Variants in MICOS10 observed in about 807,000 individuals in gnomAD.
The protein encoded by MICOS10 is mitochondrial contact site and cristae organizing system subunit 10.
In MICOS10, 5 loss-of-function variants were observed where a neutral mutation model predicts 13.4. That is an observed-to-expected ratio of 0.37 (90% CI 0.20 to 0.78). The LOEUF is 0.78. Among genes scored for constraint, MICOS10 ranks in the 30% least tolerant of loss-of-function variants. MICOS10 has a pLI of 0.47. For synonymous variants in MICOS10, 35 were observed against 33.6 expected (o/e 1.04, Z -0.15); for missense variants, 101 against 94.6 (o/e 1.07, Z -0.28).
chr1:19,603,192 A>G (rs996282965), intron 1 of MICOS10, among the ~76,000 whole-genome samples: 60 of 152,082 alleles, frequency 3.9e-4, no homozygotes, highest in African/African-American at 1.4e-3. Flanking sequence ...TTAGCCGGGC[A>G]TGGTGGTGCA....
chr1:19,609,145 T>G (rs964129138), intron 1 of MICOS10, among the ~76,000 whole-genome samples: 1 of 151,818 alleles, frequency 6.6e-6, no homozygotes, highest in Non-Finnish European at 1.5e-5. Flanking sequence ...TACAGGTGCG[T>G]GCTACCGCAT....
At position 19,629,447 on chromosome 1, in the gene MICOS10, G is replaced by A. The variant is rs901706580; in HGVS notation, c.*3046G>A. On this transcript the variant is annotated 3_prime_UTR_variant, in exon 4 of 4. Transcript: ENST00000322753. ...GTATTTTGAGCTCATTTAGGTGAAT[G>A]ACTTTGGCATTCCATGTACCCACTA... 2.0e-5 allele frequency: 3 copies of A among 152,258 alleles called. No homozygotes were observed. The highest frequency in any genetic ancestry group is 2.0e-4 in the Admixed American group (3 of 15,288). The allele number at this position is 152,258 out of a possible 1,614,324, so 9.4% of individuals were successfully genotyped here. A position where few individuals can be genotyped will look rare whatever the true frequency, so the allele number is the denominator to read the frequency against.
intron 1 of MICOS10, among the ~76,000 whole-genome samples, chr1:19,604,903 C>T (rs1173701751): frequency 6.6e-6 from 1 of 152,108 alleles, no homozygotes; most frequent in East Asian, 1.9e-4. Flanking sequence ...TTGAAGGTGT[C>T]CCAAAGGAGA....
chr1:19,623,953 A>G (rs945017208), intron 3 of MICOS10, among the ~76,000 whole-genome samples: 4 of 152,158 alleles, frequency 2.6e-5, no homozygotes, highest in African/African-American at 7.2e-5. Flanking sequence ...GCTAAACCCA[A>G]AGACTTCCGG....
intron 1 of MICOS10, among the ~76,000 whole-genome samples, chr1:19,612,816 AC>A (rs2094868951): frequency 6.6e-6 from 1 of 152,134 alleles, no homozygotes; most frequent in Admixed American, 6.5e-5. Flanking sequence ...TTCTTTCAAC[AC>A]CTTTTCAGAT....
chr1:19,612,272 G>A (rs953948978), intron 1 of MICOS10, among the ~76,000 whole-genome samples: 2 of 150,840 alleles, frequency 1.3e-5, no homozygotes, highest in African/African-American at 2.4e-5. Context: ...TAGCCAGGAT[G>A]GTCTCCATCT....
At position 19,622,260 on chromosome 1, in the gene MICOS10, C is replaced by G. The variant is rs1465262181; in HGVS notation, c.112+113C>G. ...TCAATTTGTGGGTTGCCAACCCATC[C>G]ATTTATGGGGTTAGGTAGCCCATTA... On this transcript the variant is annotated intron_variant, in intron 2 of 3. Transcript: ENST00000322753. 8.3e-6 allele frequency: 6 copies of G among 719,354 alleles called. No individual in the cohort carries two copies. In the African/African-American group the frequency reaches 1.1e-4, roughly 13 times the overall value. The allele number at this position is 719,354 out of a possible 1,614,324, so 44.6% of individuals were successfully genotyped here.
rs748892898 is a variant in MICOS10 at position 19,623,462 on chromosome 1, T to C, written c.113-12T>C. On this transcript the variant is annotated splice_polypyrimidine_tract_variant and intron_variant, in intron 2 of 3. Coordinates refer to ENST00000322753, the MANE Select transcript of MICOS10 (RefSeq NM_001032363.4). ...AATTCCCTATTGGGATTTTCCCTTT[T>C]TTGCTCACTAGGAAGAATGTGGCCA... 18 of 1,575,912 alleles carry C rather than the reference T, an allele frequency of 1.1e-5. No homozygotes were observed. The highest frequency in any genetic ancestry group is 1.7e-5 in the Admixed American group (1 of 58,890).
At chr1:19,610,269 A>T (rs1280357218) in intron 1 of MICOS10, among the ~76,000 whole-genome samples, 1 of 151,464 alleles carries the variant, frequency 6.6e-6, no homozygotes, top group African/African-American at 2.4e-5. Flanking sequence ...GAAAGGATAA[A>T]TGAGTACAAA....
intron 1 of MICOS10, among the ~76,000 whole-genome samples, chr1:19,620,124 G>A (rs1479192809): frequency 6.6e-6 from 1 of 152,198 alleles, no homozygotes; most frequent in East Asian, 1.9e-4. Flanking sequence ...AAAAGAGCTT[G>A]TCATGCAACA....
rs761980101 is a variant in MICOS10 at position 19,623,506 on chromosome 1, A to G, written c.145A>G (p.Met49Val). 2.5e-6 allele frequency: 4 copies of G among 1,612,918 alleles called. No individual in the cohort carries two copies. Among genetic ancestry groups the G allele is most frequent in the Non-Finnish European group, 3.4e-6 (4 of 1,179,746 alleles). ...GTGGCCATTAGCCTTCGGTTCTGGC[A>G]TGGGATTAGGAATGGCTTATTCCAA... Reference protein sequence around the residue: ...RMWPLAFGSGMGLGMAYSNCQ... With the variant: ...RMWPLAFGSGVGLGMAYSNCQ... Residue 49 changes from methionine to valine, a missense_variant, in exon 3 of 4, where the codon ATG becomes GTG. Transcript: ENST00000322753.
At chr1:19,610,982 C>T (rs1029167782) in intron 1 of MICOS10, among the ~76,000 whole-genome samples, 2 of 151,172 alleles carry the variant, frequency 1.3e-5, no homozygotes, top group African/African-American at 2.4e-5. Flanking sequence ...GTCTCACTGT[C>T]GCCCAGGCTG....
chr1:19,611,148 C>T (rs768327047), intron 1 of MICOS10, among the ~76,000 whole-genome samples: 1 of 151,990 alleles, frequency 6.6e-6, no homozygotes, highest in Non-Finnish European at 1.5e-5. Context: ...GACAGGGTTT[C>T]ACCATATTGG....
At chr1:19,600,877 A>C in intron 1 of MICOS10, 1 of 1,288,722 alleles carries the variant, frequency 7.8e-7, no homozygotes, top group Non-Finnish European at 1.0e-6. Context: ...CCAGGATTAC[A>C]GGCATGAGCC....
intron 1 of MICOS10, among the ~76,000 whole-genome samples, chr1:19,620,709 T>A (rs72959472): frequency 0.012 from 1,806 of 152,318 alleles, 35 homozygotes; most frequent in African/African-American, 0.041. Flanking sequence ...TTCTAGAGAT[T>A]AAGATTTTCT....
At chr1:19,609,873 G>A (rs1631421) in intron 1 of MICOS10, among the ~76,000 whole-genome samples, 16,675 of 152,188 alleles carry the variant, frequency 0.11, 3,091 homozygotes, top group African/African-American at 0.38. Context: ...GGCTGGGCAC[G>A]GTGGCTCATG....
rs1178998062 is a variant in MICOS10 at position 19,628,618 on chromosome 1, G to T, written c.*2217G>T. 7 of 146,982 alleles carry T rather than the reference G, an allele frequency of 4.8e-5. No homozygotes were observed. The highest frequency in any genetic ancestry group is 1.8e-4 in the African/African-American group (7 of 38,892). 9.1% of individuals were successfully genotyped at this position (146,982 alleles called of 1,614,324 possible). On this transcript the variant is annotated 3_prime_UTR_variant, in exon 4 of 4. Transcript: ENST00000322753. ...AATCATTTGAACCCGGGAGGCAGAG[G>T]TTGCGGTGAGCTGAGATCGCGCCAC... is the stretch of plus-strand genomic sequence containing the variant.
At chr1:19,616,774 T>C (rs953913110) in intron 1 of MICOS10, among the ~76,000 whole-genome samples, 4 of 152,208 alleles carry the variant, frequency 2.6e-5, no homozygotes, top group Non-Finnish European at 4.4e-5. Context: ...TGAATTCTAC[T>C]TTTTATAGGT....
chr1:19,621,578 C>T (rs1259687655), intron 1 of MICOS10, among the ~76,000 whole-genome samples: 1 of 152,096 alleles, frequency 6.6e-6, no homozygotes, highest in African/African-American at 2.4e-5. Context: ...TCATCTGGGG[C>T]TCTGGAGGGC....
Sources: allele counts gnomAD v4.1 joint callset (sites outside exome capture counted in the v4.1 genomes callset), GRCh38; gene constraint gnomAD v4.1.1; transcripts MANE v1.5; gene names NCBI Gene and HGNC (gene_info 2026-07-23, HGNC 2026-07-21).